THSD7B: variants seen among roughly 807,000 people sequenced by gnomAD.
THSD7B encodes thrombospondin type-1 domain-containing protein 7B.
Under a neutral mutation model 213.6 loss-of-function variants are expected in THSD7B, and 138 were observed. That is an observed-to-expected ratio of 0.65 (90% CI 0.56 to 0.74). The LOEUF (loss-of-function observed/expected upper bound fraction) is 0.74. Among genes scored for constraint, THSD7B ranks in the 30% least tolerant of loss-of-function variants. THSD7B has a pLI of 0.00. For missense variants in THSD7B, 1,931 were observed against 1,991.5 expected, an observed-to-expected ratio of 0.97 and a Z score of 0.58; for synonymous variants, 742 against 687.0, an observed-to-expected ratio of 1.08 and a Z score of -1.25.
intron 2 of THSD7B, among the ~76,000 whole-genome samples, chr2:136,959,690 T>C (rs1685185286): frequency 6.6e-6 from 1 of 152,218 alleles, no homozygotes; most frequent in African/African-American, 2.4e-5. Context: ...TCTGGGTGAC[T>C]AGAGATAGAA....
intron 2 of THSD7B, among the ~76,000 whole-genome samples, chr2:136,966,321 G>T (rs1470159232): frequency 6.6e-6 from 1 of 151,824 alleles, no homozygotes; most frequent in African/African-American, 2.4e-5. Context: ...AGCCTCAAGT[G>T]ATCCTCCCAC....
chr2:137,453,067 CA>C (rs1203246083), intron 15 of THSD7B, among the ~76,000 whole-genome samples: 2 of 151,860 alleles, frequency 1.3e-5, no homozygotes, highest in African/African-American at 4.8e-5. Context: ...GTATAATGAT[CA>C]GAAATATAAT....
chr2:137,130,356 C>T (rs117786084), intron 5 of THSD7B, among the ~76,000 whole-genome samples: 1 of 151,942 alleles, frequency 6.6e-6, no homozygotes, highest in Non-Finnish European at 1.5e-5. Flanking sequence ...AAAATCCTTA[C>T]TTTTCCCAAG....
At chr2:136,880,224 C>G (rs915828228) in intron 1 of THSD7B, among the ~76,000 whole-genome samples, 2 of 152,282 alleles carry the variant, frequency 1.3e-5, no homozygotes, top group Admixed American at 6.5e-5. Flanking sequence ...AAGTAACGCA[C>G]TCCTCAGCAA....
intron 20 of THSD7B, among the ~76,000 whole-genome samples, chr2:137,622,207 A>C (rs979751300): frequency 2.0e-5 from 3 of 152,164 alleles, no homozygotes; most frequent in Non-Finnish European, 2.9e-5. Flanking sequence ...TGAATCTAAA[A>C]ACTCATGTTC....
chr2:136,987,385 A>G (rs1685689877), intron 2 of THSD7B, among the ~76,000 whole-genome samples: 1 of 152,210 alleles, frequency 6.6e-6, no homozygotes, highest in South Asian at 2.1e-4. Context: ...TACTTTAAAA[A>G]ATATAGAGAA....
At chr2:136,918,278 T>C (rs1348440940) in intron 2 of THSD7B, among the ~76,000 whole-genome samples, 1 of 152,150 alleles carries the variant, frequency 6.6e-6, no homozygotes, top group Non-Finnish European at 1.5e-5. Context: ...CGTTATATTA[T>C]CTCCCATCAC....
chr2:137,537,879 T>A (rs80266107), intron 15 of THSD7B, among the ~76,000 whole-genome samples: 25,312 of 151,642 alleles, frequency 0.17, 2,255 homozygotes, highest in South Asian at 0.28. Flanking sequence ...ATCCTAGCCC[T>A]GCCCTCAGGG....
intron 12 of THSD7B, among the ~76,000 whole-genome samples, chr2:137,314,543 C>G (rs191444967): frequency 2.6e-5 from 4 of 152,334 alleles, no homozygotes; most frequent in Admixed American, 2.6e-4. Flanking sequence ...TGTTCCATTG[C>G]TGGTGAGGAA....
At chr2:137,638,977 T>A (rs1682885960) in intron 20 of THSD7B, among the ~76,000 whole-genome samples, 1 of 151,930 alleles carries the variant, frequency 6.6e-6, no homozygotes, top group Non-Finnish European at 1.5e-5. Flanking sequence ...CAGAAAAATT[T>A]GCAGCCTGAC....
At chr2:137,289,007 T>C (rs1683252752) in intron 12 of THSD7B, among the ~76,000 whole-genome samples, 1 of 152,074 alleles carries the variant, frequency 6.6e-6, no homozygotes, top group Non-Finnish European at 1.5e-5. Flanking sequence ...CCACTTAACC[T>C]CTCAATATTC....
intron 4 of THSD7B, among the ~76,000 whole-genome samples, chr2:137,112,247 A>T (rs1364897906): frequency 1.3e-5 from 2 of 152,088 alleles, no homozygotes; most frequent in Non-Finnish European, 2.9e-5. Context: ...ATAAAGAAAA[A>T]AGGTTGAGCA....
At chr2:137,663,824 A>C (rs1441865027) in intron 26 of THSD7B, among the ~76,000 whole-genome samples, 1 of 152,204 alleles carries the variant, frequency 6.6e-6, no homozygotes, top group African/African-American at 2.4e-5. Context: ...TGGGTTAAGT[A>C]ACAAAAATAA....
chr2:137,439,990 G>A (rs769440487), intron 14 of THSD7B, among the ~76,000 whole-genome samples: 17 of 152,218 alleles, frequency 1.1e-4, no homozygotes, highest in South Asian at 6.2e-4. Context: ...CTTTGGAGGA[G>A]CTAGGCTCTG....
intron 1 of THSD7B, among the ~76,000 whole-genome samples, chr2:136,800,711 A>G (rs1200293121): frequency 6.6e-6 from 1 of 151,788 alleles, no homozygotes; most frequent in African/African-American, 2.4e-5. Context: ...CTTGTTTTCC[A>G]TGTTAGCATT....
At chr2:137,095,158 G>T in intron 4 of THSD7B, 37 bp downstream of exon 4, 1 of 1,605,282 alleles carries the variant, frequency 6.2e-7, no homozygotes, top group East Asian at 2.2e-5. Context: ...TGTGAAGGAG[G>T]CATAATTTAA....
chr2:136,836,405 A>G (rs1048434788), intron 1 of THSD7B, among the ~76,000 whole-genome samples: 7 of 152,210 alleles, frequency 4.6e-5, no homozygotes, highest in Admixed American at 1.3e-4. Flanking sequence ...TGCATGCAGT[A>G]TTTTAATTTC....
intron 12 of THSD7B, among the ~76,000 whole-genome samples, chr2:137,315,460 C>T (rs181382405): frequency 1.7e-4 from 26 of 152,240 alleles, no homozygotes; most frequent in Middle Eastern, 3.4e-3. Flanking sequence ...GGAGAAATCA[C>T]CCGTCTTCTG....
intron 7 of THSD7B, among the ~76,000 whole-genome samples, chr2:137,226,283 C>T (rs550942361): frequency 2.6e-5 from 4 of 151,860 alleles, no homozygotes; most frequent in Admixed American, 2.6e-4. Flanking sequence ...AAGTTTGTAT[C>T]ATAGCAAAAT....
Sources: allele counts gnomAD v4.1 joint callset (sites outside exome capture counted in the v4.1 genomes callset), GRCh38; gene constraint gnomAD v4.1.1; transcripts MANE v1.5; gene names NCBI Gene and HGNC (gene_info 2026-07-23, HGNC 2026-07-21).